Variants in SCHIP1 observed in about 807,000 individuals in gnomAD.
The protein encoded by SCHIP1 is schwannomin interacting protein 1.
SCHIP1 carries 8 observed loss-of-function variants against 29.7 expected under a neutral mutation model. That is an observed-to-expected ratio of 0.27 (90% CI 0.16 to 0.49). SCHIP1 has a LOEUF of 0.49. Among genes scored for constraint, SCHIP1 ranks in the 20% least tolerant of loss-of-function variants. The probability of loss-of-function intolerance (pLI) is 0.99; values close to 1 mark genes in which losing one functional copy is unlikely to be tolerated. For missense variants in SCHIP1, 193 were observed against 294.6 expected (o/e 0.66, Z 2.52); for synonymous variants, 76 against 94.9 (o/e 0.80, Z 1.16).
chr3:159,376,822 C>T, the SCHIP1 span, among the ~76,000 whole-genome samples: 1 of 152,134 alleles, frequency 6.6e-6, no homozygotes, highest in Non-Finnish European at 1.5e-5. Flanking sequence ...CCATCAGTAG[C>T]CCCAGTTTTG....
At chr3:159,816,968 C>T in the SCHIP1 span, among the ~76,000 whole-genome samples, 4 of 152,082 alleles carry the variant, frequency 2.6e-5, no homozygotes, top group African/African-American at 7.2e-5. Flanking sequence ...AGAGCCCTAA[C>T]CAATTATATA....
chr3:159,341,640 T>A, the SCHIP1 span, among the ~76,000 whole-genome samples: 1 of 152,178 alleles, frequency 6.6e-6, no homozygotes, highest in African/African-American at 2.4e-5. Context: ...CTGAAGGGTT[T>A]GCCACTTTCT....
chr3:159,758,110 C>T, the SCHIP1 span, among the ~76,000 whole-genome samples: 3 of 152,142 alleles, frequency 2.0e-5, no homozygotes, highest in Admixed American at 2.0e-4. Context: ...AATTTATTCT[C>T]TTCAATGAAG....
the SCHIP1 span, among the ~76,000 whole-genome samples, chr3:159,295,567 C>G: frequency 2.6e-5 from 4 of 152,172 alleles, no homozygotes; most frequent in South Asian, 2.1e-4. Context: ...CCTCCAGCAG[C>G]ATCCTCTCTC....
At chr3:159,818,720 C>T in the SCHIP1 span, among the ~76,000 whole-genome samples, 2 of 152,252 alleles carry the variant, frequency 1.3e-5, no homozygotes, top group Non-Finnish European at 2.9e-5. Flanking sequence ...TGTCCAAGGT[C>T]ACAGAGCAAA....
the SCHIP1 span, among the ~76,000 whole-genome samples, chr3:159,297,075 T>C: frequency 1.8e-4 from 28 of 151,946 alleles, 1 homozygote; most frequent in Admixed American, 1.8e-3. Flanking sequence ...GGTTGATCCA[T>C]TGTTGTTGTA....
At chr3:159,326,700 T>C in the SCHIP1 span, among the ~76,000 whole-genome samples, 1 of 152,204 alleles carries the variant, frequency 6.6e-6, no homozygotes, top group Non-Finnish European at 1.5e-5. Flanking sequence ...TCCTAGTTAT[T>C]ATCTTGATCA....
the SCHIP1 span, among the ~76,000 whole-genome samples, chr3:159,578,728 AGTCTCT>A: frequency 6.6e-6 from 1 of 150,734 alleles, no homozygotes; most frequent in African/African-American, 2.5e-5. Context: ...AGTATCTTGA[AGTCTCT>A]GTCTCTGTGT....
chr3:159,802,349 A>G, the SCHIP1 span, among the ~76,000 whole-genome samples: 4 of 152,244 alleles, frequency 2.6e-5, no homozygotes, highest in Non-Finnish European at 5.9e-5. Flanking sequence ...AGTGCATTGT[A>G]TCTAATTGAT....
At chr3:159,865,214 C>T (rs1420008997) in intron 1 of SCHIP1, among the ~76,000 whole-genome samples, 3 of 152,154 alleles carry the variant, frequency 2.0e-5, no homozygotes, top group African/African-American at 7.2e-5. Flanking sequence ...CTTCTCAAAG[C>T]CTTTGTCATC....
At chr3:159,892,271 GA>G (rs760049696) in intron 6 of SCHIP1, 81 bp downstream of exon 7, 2 of 1,518,756 alleles carry the variant, frequency 1.3e-6, no homozygotes, top group Non-Finnish European at 1.8e-6. Context: ...ACTAGCTCAA[GA>G]GAACTTCTTC....
chr3:159,762,011 G>C, the SCHIP1 span, among the ~76,000 whole-genome samples: 1 of 152,122 alleles, frequency 6.6e-6, no homozygotes, highest in Admixed American at 6.5e-5. Flanking sequence ...AGCTTTTTGT[G>C]ATCTAAGCCA....
the SCHIP1 span, among the ~76,000 whole-genome samples, chr3:159,516,700 C>T: frequency 3.9e-5 from 6 of 152,242 alleles, no homozygotes; most frequent in African/African-American, 1.2e-4. Context: ...CAGTCTGACA[C>T]GAATCTTTTT....
chr3:159,785,898 C>T, the SCHIP1 span, among the ~76,000 whole-genome samples: 3 of 151,948 alleles, frequency 2.0e-5, no homozygotes, highest in African/African-American at 4.8e-5. Context: ...ACAAACTGGT[C>T]GAAACATCAG....
At chr3:159,746,532 A>G in the SCHIP1 span, among the ~76,000 whole-genome samples, 1 of 144,646 alleles carries the variant, frequency 6.9e-6, no homozygotes, top group Middle Eastern at 3.6e-3. Context: ...CCTTTAGGTT[A>G]TGTTTTGATA....
chr3:159,628,207 T>C, the SCHIP1 span, among the ~76,000 whole-genome samples: 3 of 143,500 alleles, frequency 2.1e-5, no homozygotes, highest in South Asian at 6.7e-4. Context: ...GGACTTACAC[T>C]AGAGACCTAC....
the SCHIP1 span, among the ~76,000 whole-genome samples, chr3:159,502,287 G>A: frequency 2.6e-5 from 4 of 152,118 alleles, no homozygotes; most frequent in Non-Finnish European, 4.4e-5. Context: ...TATTGTGTGC[G>A]TTATGTGCAT....
chr3:159,570,231 T>G, the SCHIP1 span, among the ~76,000 whole-genome samples: 1 of 152,238 alleles, frequency 6.6e-6, no homozygotes, highest in Non-Finnish European at 1.5e-5. Flanking sequence ...GCCTATGTCC[T>G]GAATGGTATT....
the SCHIP1 span, among the ~76,000 whole-genome samples, chr3:159,344,976 C>T: frequency 6.6e-6 from 1 of 152,084 alleles, no homozygotes; most frequent in Non-Finnish European, 1.5e-5. Context: ...TGGCTGGGCA[C>T]GGTGGCACAC....
Sources: gnomAD v4.1 joint callset for allele counts (sites outside exome capture counted in the v4.1 genomes callset) on GRCh38, gnomAD v4.1.1 for gene constraint, MANE v1.5 for transcripts, NCBI Gene and HGNC (gene_info 2026-07-23, HGNC 2026-07-21) for gene names.